Variants in KIRREL3 observed in about 807,000 individuals in gnomAD.
KIRREL3 encodes the protein kirre like nephrin family adhesion molecule 3, also known as kin of IRRE-like protein 3.
KIRREL3 carries 36 observed loss-of-function variants against 89.7 expected under a neutral mutation model. The ratio of observed to expected loss-of-function variants is 0.40; its 90% CI spans 0.31 to 0.53. The LOEUF is 0.53. Ranked by LOEUF, KIRREL3 falls within the 20% of genes least tolerant of loss-of-function variation. KIRREL3 has a pLI of 0.49. For missense variants in KIRREL3, 864 were observed against 1,056.6 expected (o/e 0.82, Z 2.53); for synonymous variants, 445 against 441.4 (o/e 1.01, Z -0.10).
At chr11:126,863,471 G>GTGTT (rs1944792597) in intron 1 of KIRREL3, among the ~76,000 whole-genome samples, 1 of 100,476 alleles carries the variant, frequency 1.0e-5, no homozygotes, top group Admixed American at 1.2e-4. Context: ...GCGTGTGTGT[G>GTGTT]TGAGTGCGTG....
rs1957326591 is a variant in KIRREL3 at position 126,485,208 on chromosome 11, A to G, written c.434-11742T>C. 6.6e-6 allele frequency among the ~76,000 whole-genome samples: 1 copy of G among 152,086 alleles called. No homozygotes were observed. Among genetic ancestry groups the G allele is most frequent in the Non-Finnish European group, 1.5e-5 (1 of 68,018 alleles). Reference sequence around the variant, plus strand: ...CTCCAAGGAGGTTGGGGACAGAGAGAAAAGAGGAACAAGGAGCAAGACGCA... The same window carrying G: ...CTCCAAGGAGGTTGGGGACAGAGAGGAAAGAGGAACAAGGAGCAAGACGCA... On this transcript the variant is annotated intron_variant, in intron 4 of 16. Coordinates refer to ENST00000525144, the MANE Select transcript of KIRREL3 (RefSeq NM_032531.4). The surrounding 1 kb of genome is among the most constrained non-coding windows in gnomAD (Gnocchi z 5.8).
rs991977210 is a variant in KIRREL3 at position 126,764,861 on chromosome 11, C to A, written c.56-201949G>T. On this transcript the variant is annotated intron_variant, in intron 1 of 16. Transcript: ENST00000525144. The surrounding 1 kb of genome is among the most constrained non-coding windows in gnomAD (Gnocchi z 4.2). ...TTTGGACTAGGCCTTTGGCAGGAGT[C>A]CTCTACTCTCGGCCTGGATCCTCTT... Among the ~76,000 whole-genome samples, 2 of 152,152 alleles carry A rather than the reference C, an allele frequency of 1.3e-5. No homozygotes were observed. The highest frequency in any genetic ancestry group is 2.1e-4 in the South Asian group (1 of 4,824).
At chr11:126,960,343 T>C (rs1354883401) in intron 1 of KIRREL3, among the ~76,000 whole-genome samples, 2 of 150,496 alleles carry the variant, frequency 1.3e-5, no homozygotes, top group Admixed American at 6.6e-5. Context: ...GGTTTTTGTT[T>C]TGGGGTTTGT....
rs185151381 is a variant in KIRREL3, at chr11:126,768,041, A to G, written c.56-205129T>C. 1.1e-3 allele frequency among the ~76,000 whole-genome samples: 165 copies of G among 152,260 alleles called. 3 individuals are homozygous for G. The highest frequency in any genetic ancestry group is 8.7e-4 in the Non-Finnish European group (59 of 68,012). ...TGTTCTGCTTCTGAAATGTCTCTCC[A>G]TCCTCAAAATTTTATGATTCCTCTT... On this transcript the variant is annotated intron_variant, in intron 1 of 16. Coordinates refer to ENST00000525144, the MANE Select transcript of KIRREL3 (RefSeq NM_032531.4). This position sits in a 1 kb window ranked among gnomAD's most constrained non-coding sequence, Gnocchi z 4.5.
In KIRREL3 at chr11:126,486,797, C is replaced by T. The variant is rs80047319; in HGVS notation, c.434-13331G>A. On this transcript the variant is annotated intron_variant, in intron 4 of 16. Coordinates refer to ENST00000525144, the MANE Select transcript of KIRREL3 (RefSeq NM_032531.4). This position sits in a 1 kb window ranked among gnomAD's most constrained non-coding sequence, Gnocchi z 6.2. ...CCTAACTGCGGTACCATAGGCTGTG[C>T]TAGCAGGAGGATCTGCATTGGTTCA... Among the ~76,000 whole-genome samples the T allele has an allele frequency of 3.4e-3, 518 of 152,294 alleles. 20 individuals carry two copies. In the East Asian group the frequency reaches 0.085, roughly 25 times the overall value.
intron 2 of KIRREL3, among the ~76,000 whole-genome samples, chr11:126,545,181 C>A (rs1938712494): frequency 6.6e-6 from 1 of 152,178 alleles, no homozygotes; most frequent in South Asian, 2.1e-4. Context: ...AAAACAATCT[C>A]TTCATCTCGG....
chr11:126,517,103 C>T (rs923518867), intron 4 of KIRREL3, among the ~76,000 whole-genome samples: 14 of 131,802 alleles, frequency 1.1e-4, no homozygotes, highest in African/African-American at 4.0e-4. Flanking sequence ...GTGTATGACA[C>T]TTCACTGTTA....
In KIRREL3 at chr11:126,431,537, G is replaced by A. The variant is rs1449846838; in HGVS notation, c.1589-11C>T. The A allele has an allele frequency of 6.2e-7, 1 of 1,611,866 alleles. No individual in the cohort carries two copies. The highest frequency in any genetic ancestry group is 1.3e-5 in the African/African-American group (1 of 75,020). On this transcript the variant is annotated splice_polypyrimidine_tract_variant and intron_variant, in intron 13 of 16. Transcript: ENST00000525144. The surrounding 1 kb of genome is among the most constrained non-coding windows in gnomAD (Gnocchi z 7.1). ...CCATCGGCACAGACTCTGTGGGAGA[G>A]AAGCGGGCACAGCTGATGACGGATG...
chr11:126,606,193 C>A lies in KIRREL3; in HGVS notation c.56-43281G>T, dbSNP rs2134769319. Reference sequence around the variant, plus strand: ...GCAGGCACCCAGCATCTAAAGCACTCAAATCAGAGTCACTAGTATTATTAA... The same window carrying A: ...GCAGGCACCCAGCATCTAAAGCACTAAAATCAGAGTCACTAGTATTATTAA... On this transcript the variant is annotated intron_variant, in intron 1 of 16. Coordinates refer to ENST00000525144, the MANE Select transcript of KIRREL3 (RefSeq NM_032531.4). The surrounding 1 kb of genome is among the most constrained non-coding windows in gnomAD (Gnocchi z 4.6). Among the ~76,000 whole-genome samples the A allele has an allele frequency of 6.6e-6, 1 of 152,304 alleles. No individual in the cohort carries two copies. The highest frequency in any genetic ancestry group is 6.5e-5 in the Admixed American group (1 of 15,310).
At chr11:126,621,874 G>T (rs1943588744) in intron 1 of KIRREL3, among the ~76,000 whole-genome samples, 1 of 152,118 alleles carries the variant, frequency 6.6e-6, no homozygotes, top group Non-Finnish European at 1.5e-5. Context: ...TATAAAATGA[G>T]ATACATCATC....
At chr11:126,458,122 G>C (rs1485448392) in intron 6 of KIRREL3, among the ~76,000 whole-genome samples, 1 of 152,170 alleles carries the variant, frequency 6.6e-6, no homozygotes, top group African/African-American at 2.4e-5. Context: ...GAGTTGAGTG[G>C]GCAGCCCAGG....
rs1249461212 is a variant in KIRREL3, at chr11:126,553,401, A to AGCCTTCCC, written c.133+9426_133+9433dup. 2.6e-5 allele frequency among the ~76,000 whole-genome samples: 4 copies of AGCCTTCCC among 152,172 alleles called. No individual in the cohort carries two copies. The highest frequency in any genetic ancestry group is 5.9e-5 in the Non-Finnish European group (4 of 68,032). On this transcript the variant is annotated intron_variant, in intron 2 of 16. Transcript: ENST00000525144. This position sits in a 1 kb window ranked among gnomAD's most constrained non-coding sequence, Gnocchi z 4.7. ...AGTCTCACTTGCTAGCTGTGTTTAGAGCCTTCCCACTAGGGAATCTTCCAC... is the reference window on the plus strand; with the variant it reads ...AGTCTCACTTGCTAGCTGTGTTTAGAGCCTTCCCGCCTTCCCACTAGGGAATCTTCCAC...
chr11:126,499,429 C>CAT (rs1290918772), intron 4 of KIRREL3, among the ~76,000 whole-genome samples: 1 of 152,188 alleles, frequency 6.6e-6, no homozygotes, highest in Non-Finnish European at 1.5e-5. Context: ...ATTCACGCCC[C>CAT]ATACCCTGCA....
chr11:126,737,887 T>C (rs1948857485), intron 1 of KIRREL3, among the ~76,000 whole-genome samples: 1 of 152,216 alleles, frequency 6.6e-6, no homozygotes, highest in Non-Finnish European at 1.5e-5. Flanking sequence ...AATTCTACTC[T>C]TTTAGTTATT....
At chr11:126,446,715 C>T (rs1574534) in intron 9 of KIRREL3, 44 bp downstream of exon 9, 1,001,109 of 1,563,808 alleles carry the variant, frequency 0.64, 332,615 homozygotes, top group Non-Finnish European at 0.69. Context: ...CCACTGTCCC[C>T]GCCCCCTGCC....
chr11:126,956,891 T>C (rs1366409028), intron 1 of KIRREL3, among the ~76,000 whole-genome samples: 1 of 152,196 alleles, frequency 6.6e-6, no homozygotes, highest in African/African-American at 2.4e-5. Context: ...TCACCCTTGG[T>C]GACACAGAGG....
chr11:126,520,326 C>T lies in KIRREL3; in HGVS notation c.433+989G>A, dbSNP rs1213708807. The stretch of plus-strand genomic sequence containing the variant: ...TGCACGCGTGCCTGGCACAGACTCA[C>T]GTGTAAGGGGGCAGCGAGGTGGGGC... On this transcript the variant is annotated intron_variant, in intron 4 of 16. Transcript: ENST00000525144. The surrounding 1 kb of genome is among the most constrained non-coding windows in gnomAD (Gnocchi z 4.9). Among the ~76,000 whole-genome samples the T allele has an allele frequency of 3.9e-5, 6 of 152,184 alleles. No homozygotes were observed. The highest frequency in any genetic ancestry group is 3.9e-4 in the East Asian group (2 of 5,194).
At position 126,462,365 on chromosome 11, in the gene KIRREL3, G is replaced by A. The variant is rs2134250734; in HGVS notation, c.742+792C>T. Among the ~76,000 whole-genome samples, 1 of 152,288 alleles carries A rather than the reference G, an allele frequency of 6.6e-6. No individual in the cohort carries two copies. The highest frequency in any genetic ancestry group is 6.5e-5 in the Admixed American group (1 of 15,296). ...ACAGTTGCACCTTCTCCAAACAGTT[G>A]TTGTAAAGATTAAATAAGGCCAGGC... On this transcript the variant is annotated intron_variant, in intron 6 of 16. Coordinates refer to ENST00000525144, the MANE Select transcript of KIRREL3 (RefSeq NM_032531.4). The surrounding 1 kb of genome is among the most constrained non-coding windows in gnomAD (Gnocchi z 4.8).
rs149507834 is a variant in KIRREL3 at position 126,644,113 on chromosome 11, G to T, written c.56-81201C>A. ...GTTAATGGCTGAAAGTGTGGGAAAG[G>T]ATGTCATTGAAAAGGGGCTAAAATA... On this transcript the variant is annotated intron_variant, in intron 1 of 16. Transcript: ENST00000525144. Among the ~76,000 whole-genome samples the T allele has an allele frequency of 3.8e-3, 582 of 152,298 alleles. 3 individuals are homozygous for T. The highest frequency in any genetic ancestry group is 0.014 in the African/African-American group (563 of 41,572).
Sources: allele counts gnomAD v4.1 joint callset (sites outside exome capture counted in the v4.1 genomes callset), GRCh38; gene constraint gnomAD v4.1.1; non-coding constraint Gnocchi (gnomAD v3.1); transcripts MANE v1.5; gene names NCBI Gene and HGNC (gene_info 2026-07-23, HGNC 2026-07-21).